TAF1B: variants seen among roughly 807,000 people sequenced by gnomAD.
The protein encoded by TAF1B is TATA-box binding protein associated factor, RNA polymerase I subunit B.
In TAF1B, 61 loss-of-function variants were observed where a neutral mutation model predicts 83.9. The ratio of observed to expected loss-of-function variants is 0.73; its 90% confidence interval spans 0.59 to 0.90. TAF1B has a LOEUF of 0.90. Ranked by LOEUF, TAF1B falls within the 40% of genes least tolerant of loss-of-function variation. TAF1B has a pLI of 0.00. For synonymous variants in TAF1B, 221 were observed against 224.6 expected (o/e 0.98, Z 0.14); for missense variants, 625 against 677.0 (o/e 0.92, Z 0.85).
At chr2:9,900,545 A>G (rs1213693690) in intron 8 of TAF1B, among the ~76,000 whole-genome samples, 2 of 152,124 alleles carry the variant, frequency 1.3e-5, no homozygotes, top group Non-Finnish European at 2.9e-5. Context: ...CAAAAATAAT[A>G]ATAATAATAA....
In TAF1B at chr2:9,914,321, G is replaced by T. The variant is rs1329894698; in HGVS notation, c.1271+1072G>T. 6.6e-6 allele frequency among the ~76,000 whole-genome samples: 1 copy of T among 152,068 alleles called. No homozygotes were observed. The highest frequency in any genetic ancestry group is 2.4e-5 in the African/African-American group (1 of 41,388). ...AGCCCATGGATTCCCAGGAAACCAG[G>T]CTCCCTGCCTCCTCATCAGAGAAGG... On this transcript the variant is annotated intron_variant, in intron 12 of 14. Transcript: ENST00000263663. This position sits in a 1 kb window ranked among gnomAD's most constrained non-coding sequence, Gnocchi z 4.3.
intron 5 of TAF1B, among the ~76,000 whole-genome samples, chr2:9,858,837 A>G (rs1663651281): frequency 6.6e-6 from 1 of 152,230 alleles, no homozygotes; most frequent in Non-Finnish European, 1.5e-5. Context: ...TGCACAAAGT[A>G]ACTGAGCCCT....
chr2:9,876,084 CGG>C (rs1664315285), intron 7 of TAF1B, 66 bp downstream of exon 7: 1 of 1,445,344 alleles, frequency 6.9e-7, no homozygotes, highest in East Asian at 2.4e-5. Flanking sequence ...AGACAAACTT[CGG>C]ATATTTTGAT....
At chr2:9,856,022 T>TAA (rs1663554643) in intron 5 of TAF1B, among the ~76,000 whole-genome samples, 1 of 152,160 alleles carries the variant, frequency 6.6e-6, no homozygotes, top group Non-Finnish European at 1.5e-5. Context: ...TTGATACACA[T>TAA]TTGTTAAGGG....
At chr2:9,849,939 CAAGTTTG>C (rs1475680130) in intron 3 of TAF1B, among the ~76,000 whole-genome samples, 1 of 151,998 alleles carries the variant, frequency 6.6e-6, no homozygotes, top group Admixed American at 6.6e-5. Flanking sequence ...ACCAAATCCC[CAAGTTTG>C]AAACCAGGCT....
chr2:9,894,380 A>G (rs1664958304), intron 8 of TAF1B, among the ~76,000 whole-genome samples: 1 of 152,188 alleles, frequency 6.6e-6, no homozygotes, highest in South Asian at 2.1e-4. Flanking sequence ...GTTAAGAGAA[A>G]TTTAAAGAAA....
chr2:9,899,038 G>GT (rs140403594), intron 8 of TAF1B, among the ~76,000 whole-genome samples: 42,361 of 150,774 alleles, frequency 0.28, 6,884 homozygotes, highest in Middle Eastern at 0.4. Flanking sequence ...TTAGCCATTT[G>GT]TAAGTGTGCA....
intron 5 of TAF1B, among the ~76,000 whole-genome samples, chr2:9,857,610 A>G (rs1663605748): frequency 1.3e-5 from 2 of 152,162 alleles, no homozygotes; most frequent in African/African-American, 4.8e-5. Flanking sequence ...AGACAGGGCA[A>G]TTTCTAAACA....
intron 7 of TAF1B, among the ~76,000 whole-genome samples, chr2:9,879,429 T>G (rs1196927675): frequency 6.6e-6 from 1 of 152,164 alleles, no homozygotes; most frequent in East Asian, 1.9e-4. Flanking sequence ...CAGAGAGAGA[T>G]GGCATGATAT....
At chr2:9,901,017 G>C (rs1005695177) in intron 8 of TAF1B, among the ~76,000 whole-genome samples, 15 of 151,998 alleles carry the variant, frequency 9.9e-5, no homozygotes, top group African/African-American at 3.6e-4. Flanking sequence ...TTTTAGTATA[G>C]AATTTTATAT....
intron 14 of TAF1B, among the ~76,000 whole-genome samples, chr2:9,921,256 T>C (rs780600370): frequency 2.0e-5 from 3 of 152,156 alleles, no homozygotes; most frequent in Admixed American, 2.0e-4. Context: ...CATACCCAGC[T>C]AATTTTTTAT....
rs767688435 is a variant in TAF1B, at chr2:9,919,742, G to T, written c.1487G>T (p.Gly496Val). The change falls in exon 14 of 15, where the codon GGA (glycine) becomes GTA (valine). Residue 496 changes from glycine (G) to valine (V), a missense_variant. Coordinates refer to ENST00000263663, the MANE Select transcript of TAF1B (RefSeq NM_005680.3). ...RTCFHGHSLQ[G>V]VLKEKGQSLL... ...TGTTTCCATGGACACAGCCTTCAGG[G>T]AGTCCTGAAAGAGAAAGGCCAATCA... 1 of 1,614,152 alleles carries T rather than the reference G, an allele frequency of 6.2e-7. No homozygotes were observed. The highest frequency in any genetic ancestry group is 8.5e-7 in the Non-Finnish European group (1 of 1,180,024).
At chr2:9,874,090 T>C (rs1031060602) in intron 6 of TAF1B, among the ~76,000 whole-genome samples, 2 of 152,212 alleles carry the variant, frequency 1.3e-5, no homozygotes, top group African/African-American at 4.8e-5. Flanking sequence ...CAGAAATTTC[T>C]GTTCTTATAA....
rs1665633922 is a variant in TAF1B, at chr2:9,914,779, G to A, written c.1271+1530G>A. Among the ~76,000 whole-genome samples the A allele has an allele frequency of 6.6e-6, 1 of 152,178 alleles. No homozygotes were observed. The highest frequency in any genetic ancestry group is 6.5e-5 in the Admixed American group (1 of 15,282). ...CGTTTCCAAGGTCCTTCTTCCTAGA[G>A]TATGTGCTGAGGGCTGACACACACG... On this transcript the variant is annotated intron_variant, in intron 12 of 14. Coordinates refer to ENST00000263663, the MANE Select transcript of TAF1B (RefSeq NM_005680.3). The surrounding 1 kb of genome is among the most constrained non-coding windows in gnomAD (Gnocchi z 4.3).
At chr2:9,887,274 A>T (rs1347792794) in intron 8 of TAF1B, among the ~76,000 whole-genome samples, 2 of 152,232 alleles carry the variant, frequency 1.3e-5, no homozygotes, top group African/African-American at 4.8e-5. Flanking sequence ...GAAATGAGTT[A>T]TGTTTACTTG....
chr2:9,853,307 A>G (rs983611606), intron 4 of TAF1B, among the ~76,000 whole-genome samples: 4 of 152,182 alleles, frequency 2.6e-5, no homozygotes, highest in Non-Finnish European at 5.9e-5. Context: ...TCCAAATCCT[A>G]TTGATAGTTT....
chr2:9,910,465 G>A (rs1665487249), intron 9 of TAF1B, among the ~76,000 whole-genome samples: 1 of 152,168 alleles, frequency 6.6e-6, no homozygotes, highest in Admixed American at 6.5e-5. Flanking sequence ...AGATGTGGAT[G>A]AAACAACTGG....
intron 14 of TAF1B, among the ~76,000 whole-genome samples, chr2:9,921,293 T>C (rs1665871861): frequency 6.6e-6 from 1 of 152,140 alleles, no homozygotes. Context: ...GGTCTCCCTA[T>C]GCTGCCCAGG....
intron 9 of TAF1B, among the ~76,000 whole-genome samples, chr2:9,908,091 G>A (rs549538890): frequency 1.6e-4 from 12 of 72,738 alleles, no homozygotes; most frequent in Non-Finnish European, 3.8e-4. Flanking sequence ...TGTCACCCAG[G>A]CTGGAGTGTA....
Sources: allele counts gnomAD v4.1 joint callset (sites outside exome capture counted in the v4.1 genomes callset), GRCh38; gene constraint gnomAD v4.1.1; non-coding constraint Gnocchi (gnomAD v3.1); transcripts MANE v1.5; gene names NCBI Gene and HGNC (gene_info 2026-07-23, HGNC 2026-07-21).